The following INSRR variants were observed in gnomAD, a reference collection of about 807,000 sequenced individuals.
INSRR encodes the protein insulin receptor related receptor, also known as insulin receptor-related protein.
A neutral mutation model predicts 130.0 loss-of-function variants in INSRR; 114 were observed. That is an observed-to-expected ratio of 0.88 (90% CI 0.75 to 1.02). INSRR has a LOEUF of 1.02. INSRR is among the 50% of genes least tolerant of loss of function. The pLI, the probability that INSRR is intolerant of heterozygous loss-of-function variation, is 0.00. For synonymous variants in INSRR, 674 were observed against 705.2 expected, an observed-to-expected ratio of 0.96 and a Z score of 0.70; for missense variants, 1,657 against 1,735.2, an observed-to-expected ratio of 0.95 and a Z score of 0.80.
In INSRR at chr1:156,841,492, C is replaced by T. The variant is rs751827758; in HGVS notation, c.3564G>A (p.Leu1188=). 11 of 1,613,890 alleles carry T rather than the reference C, an allele frequency of 6.8e-6. No individual in the cohort carries two copies. In the Admixed American group the frequency reaches 1.8e-4, roughly 27 times the overall value. ...ACAGGCCCTGGTAGGGTTGTTCTGC[C>T]AGGGTCACAATCTCCCAGAGTACCA... ...FGVVLWEIVT[L]AEQPYQGLSN... The change falls in exon 21 of 22, where the codon CTG becomes CTA. Residue 1188 remains leucine (L), a synonymous_variant. Transcript: ENST00000368195.
At position 156,840,701 on chromosome 1, in the gene INSRR, G is replaced by A. The variant is rs958860690; in HGVS notation, c.*172C>T. On this transcript the variant is annotated 3_prime_UTR_variant, in exon 22 of 22. Coordinates refer to ENST00000368195, the MANE Select transcript of INSRR (RefSeq NM_014215.3). ...ACTCAGAGTCTGAGAAACTCCTATG[G>A]TGAGACCCCTCTGCCCACCCCCACA... 1.6e-6 allele frequency: 1 copy of A among 627,994 alleles called. No homozygotes were observed. Among genetic ancestry groups the A allele is most frequent in the African/African-American group, 1.8e-5 (1 of 54,288 alleles). The allele number at this position is 627,994 out of a possible 1,614,324, so 38.9% of individuals were successfully genotyped here. A position where few individuals can be genotyped will look rare whatever the true frequency, so the allele number is the denominator to read the frequency against.
chr1:156,841,947 T>G, intron 19 of INSRR, 153 bp from the exon 20 acceptor site: 2 of 1,547,612 alleles, frequency 1.3e-6, no homozygotes, highest in Non-Finnish European at 1.8e-6. Flanking sequence ...ACTCATCCCA[T>G]CCAAACCCCT....
chr1:156,849,166 C>G, intron 6 of INSRR, 80 bp downstream of exon 6: 1 of 1,601,436 alleles, frequency 6.2e-7, no homozygotes, highest in Admixed American at 1.7e-5. Context: ...AGAGTGTCCC[C>G]CTCGAGCTTT....
intron 10 of INSRR, 86 bp downstream of exon 10, chr1:156,845,533 A>ACCCCCAAAACCCCCCCCCCCC: frequency 4.1e-6 from 3 of 728,016 alleles, no homozygotes; most frequent in South Asian, 2.1e-5. Context: ...GCAAGGCCCC[A>ACCCCCAAAACCCCCCCCCCCC]CCCACAAACC....
chr1:156,845,873 C>A (rs534062373), intron 9 of INSRR, 59 bp from the exon 10 acceptor site: 87 of 1,600,264 alleles, frequency 5.4e-5, no homozygotes, highest in Non-Finnish European at 6.7e-5. Flanking sequence ...TCTGATCCCC[C>A]CCACCTGCCG....
At chr1:156,853,466 G>A (rs750003100) in intron 2 of INSRR, among the ~76,000 whole-genome samples, 9 of 152,116 alleles carry the variant, frequency 5.9e-5, no homozygotes, top group Admixed American at 1.3e-4. Flanking sequence ...TGCTTCTTGC[G>A]CTGCCTACTC....
Position 156,843,039 on chromosome 1 carries a change from C to T in INSRR, c.3091G>A (p.Ala1031Thr). 6.2e-7 allele frequency: 1 copy of T among 1,614,062 alleles called. No individual in the cohort carries two copies. The highest frequency in any genetic ancestry group is 1.1e-5 in the South Asian group (1 of 91,076). Residue 1031 changes from alanine (A) to threonine (T), a missense_variant, in exon 17 of 22, where the codon GCT becomes ACT. Transcript: ENST00000368195. Reference sequence around the variant, plus strand: ...CACTTGAAGGCTTTCATGACAGAAGCTTCCTTGAGGAACTCAATGCATTCC... The same window carrying T: ...CACTTGAAGGCTTTCATGACAGAAGTTTCCTTGAGGAACTCAATGCATTCC... ...PRECIEFLKE[A>T]SVMKAFKCHH...
chr1:156,843,491 G>A lies in INSRR; in HGVS notation c.2844-12C>T, dbSNP rs768936128. On this transcript the variant is annotated splice_polypyrimidine_tract_variant and intron_variant, in intron 15 of 21. Transcript: ENST00000368195. The stretch of plus-strand genomic sequence containing the variant: ...ACAGGGTTCTGTTTCTGCAACGGGA[G>A]GTGAGGGGGTCAGGCTGGAAGGGTT... 5.0e-6 allele frequency: 8 copies of A among 1,614,126 alleles called. No homozygotes were observed. Among genetic ancestry groups the A allele is most frequent in the African/African-American group, 1.3e-5 (1 of 75,056 alleles).
At position 156,841,726 on chromosome 1, in the gene INSRR, C is replaced by T. The variant is rs779745536; in HGVS notation, c.3466G>A (p.Val1156Met). Residue 1156 changes from valine (V) to methionine (M), a missense_variant, in exon 20 of 22, where the codon GTG becomes ATG. Physicochemically the swap from Val to Met is conservative, Grantham distance 21. Transcript: ENST00000368195. ...AGGGACTCGGGGGCCATCCAGCGCA[C>T]GGGCAGCAGCCCCTTCCCACCCTTG... Reference protein sequence around the residue: ...YRKGGKGLLPVRWMAPESLKD... With the variant: ...YRKGGKGLLPMRWMAPESLKD... 1.4e-5 allele frequency: 23 copies of T among 1,614,048 alleles called. No individual in the cohort carries two copies. Among genetic ancestry groups the T allele is most frequent in the African/African-American group, 6.7e-5 (5 of 74,924 alleles).
chr1:156,849,145 G>A, intron 6 of INSRR, 98 bp from the exon 7 acceptor site: 2 of 1,595,016 alleles, frequency 1.3e-6, no homozygotes, highest in Admixed American at 1.7e-5. Flanking sequence ...GACCTCTGAG[G>A]AGAACTTCTC....
At chr1:156,842,847 T>C (rs143586966) in intron 17 of INSRR, among the ~76,000 whole-genome samples, 157 bp downstream of exon 17, 1 of 152,246 alleles carries the variant, frequency 6.6e-6, no homozygotes, top group East Asian at 1.9e-4. Context: ...CCTGTTTGAC[T>C]CTAACCCTAA....
At chr1:156,845,911 C>A in intron 9 of INSRR, 41 bp downstream of exon 9, 1 of 1,601,250 alleles carries the variant, frequency 6.2e-7, no homozygotes. Flanking sequence ...CTCCCCTTCC[C>A]CACCCGCCCC....
At chr1:156,843,293 C>G in intron 16 of INSRR, 60 bp from the exon 17 acceptor site, 1 of 1,575,750 alleles carries the variant, frequency 6.3e-7, no homozygotes, top group South Asian at 1.1e-5. Context: ...CCTCACCCCC[C>G]AACTTCTCTT....
chr1:156,845,375 T>G lies in INSRR; in HGVS notation c.2213A>C (p.Gln738Pro). 1 of 1,577,254 alleles carries G rather than the reference T, an allele frequency of 6.3e-7. No homozygotes were observed. Among genetic ancestry groups the G allele is most frequent in the Non-Finnish European group, 8.6e-7 (1 of 1,160,044 alleles). ...WKVTSINKSP[Q>P]RDSGRHRRAA... ...CACCTGCCCTAGTCCTGCTCACCTT[T>G]GGGGGCTCTTGTTGATGGACGTCAC... Residue 738 changes from glutamine to proline, a missense_variant, in exon 11 of 22, where the codon CAA becomes CCA. By Grantham distance (76) the Gln-to-Pro change is moderately conservative. Transcript: ENST00000368195.
chr1:156,848,836 A>G, intron 7 of INSRR, 85 bp downstream of exon 7: 1 of 1,472,218 alleles, frequency 6.8e-7, no homozygotes, highest in Non-Finnish European at 9.1e-7. Flanking sequence ...AGCCTCGCTG[A>G]GCTCCGCCCT....
rs747065680 is a variant in INSRR at position 156,845,122 on chromosome 1, C to G, written c.2391G>C (p.Val797=). The change falls in exon 12 of 22, where the codon GTG becomes GTC. Residue 797 remains valine (V), a synonymous_variant. Transcript: ENST00000368195. The part of the protein sequence containing the change: ...IHACNHAAHT[V]GCSAATFVFA... ...AGACGAAGGTGGCGGCGCTGCAGCC[C>G]ACGGTGTGCGCCGCGTGGTTGCAGG... 11 of 1,611,436 alleles carry G rather than the reference C, an allele frequency of 6.8e-6. No individual in the cohort carries two copies. In the Admixed American group the frequency reaches 1.8e-4, roughly 27 times the overall value.
intron 10 of INSRR, 84 bp from the exon 11 acceptor site, chr1:156,845,497 C>A: frequency 1.3e-6 from 2 of 1,501,532 alleles, no homozygotes; most frequent in South Asian, 1.4e-5. Flanking sequence ...CCAAAAGCAC[C>A]CACAACCCGG....
chr1:156,857,343 C>T (rs1229998588), intron 1 of INSRR, among the ~76,000 whole-genome samples: 1 of 152,344 alleles, frequency 6.6e-6, no homozygotes, highest in Non-Finnish European at 1.5e-5. Context: ...GCGCCCACTT[C>T]CCATCATGCC....
intron 4 of INSRR, 99 bp downstream of exon 4, chr1:156,851,547 A>G (rs1454274990): frequency 1.9e-6 from 3 of 1,606,716 alleles, no homozygotes; most frequent in Admixed American, 1.7e-5. Flanking sequence ...GGGACCCAGG[A>G]TGATGGAAAA....
Sources: gnomAD v4.1 joint callset for allele counts (sites outside exome capture counted in the v4.1 genomes callset) on GRCh38, gnomAD v4.1.1 for gene constraint, MANE v1.5 for transcripts, NCBI Gene and HGNC (gene_info 2026-07-23, HGNC 2026-07-21) for gene names.